SLC2A13: variants seen among roughly 807,000 people sequenced by gnomAD.
SLC2A13 encodes proton myo-inositol cotransporter.
In SLC2A13, 32 loss-of-function variants were observed where a neutral mutation model predicts 64.4. The observed-to-expected ratio is 0.50, with a 90% CI of 0.37 to 0.67. The LOEUF (loss-of-function observed/expected upper bound fraction) is 0.67. Among genes scored for constraint, SLC2A13 ranks in the 30% least tolerant of loss-of-function variants. The pLI, the probability that SLC2A13 is intolerant of heterozygous loss-of-function variation, is 0.00. For synonymous variants in SLC2A13, 338 were observed against 327.1 expected (o/e 1.03, Z -0.36); for missense variants, 743 against 829.2 (o/e 0.90, Z 1.28).
At chr12:39,959,863 G>T (rs1269003240) in intron 3 of SLC2A13, among the ~76,000 whole-genome samples, 3 of 152,000 alleles carry the variant, frequency 2.0e-5, no homozygotes, top group Non-Finnish European at 4.4e-5. Context: ...GTATGTGCAG[G>T]TTTGTTACAC....
chr12:39,798,131 A>G (rs1941643784), intron 7 of SLC2A13, among the ~76,000 whole-genome samples: 1 of 152,210 alleles, frequency 6.6e-6, no homozygotes, highest in Non-Finnish European at 1.5e-5. Flanking sequence ...TGCCCAATGG[A>G]AAACTCCACA....
intron 7 of SLC2A13, among the ~76,000 whole-genome samples, chr12:39,799,867 C>T (rs903227654): frequency 6.6e-6 from 1 of 152,178 alleles, no homozygotes; most frequent in Non-Finnish European, 1.5e-5. Flanking sequence ...GTAGAACTTT[C>T]AGATGATTGG....
intron 1 of SLC2A13, among the ~76,000 whole-genome samples, chr12:40,054,658 A>T (rs937833257): frequency 2.0e-5 from 3 of 152,248 alleles, no homozygotes; most frequent in Non-Finnish European, 4.4e-5. Flanking sequence ...GGATTCACAC[A>T]CTACCACACT....
intron 3 of SLC2A13, among the ~76,000 whole-genome samples, chr12:39,960,989 CA>C (rs1946402641): frequency 6.6e-6 from 1 of 151,378 alleles, no homozygotes; most frequent in Admixed American, 6.6e-5. Flanking sequence ...TTCAGTGATC[CA>C]CTCGTCTTGG....
chr12:39,831,015 G>A (rs1429922070), intron 6 of SLC2A13, among the ~76,000 whole-genome samples: 1 of 152,136 alleles, frequency 6.6e-6, no homozygotes, highest in Admixed American at 6.5e-5. Context: ...GCCAACTAAA[G>A]CCTACATCAT....
intron 3 of SLC2A13, among the ~76,000 whole-genome samples, chr12:39,989,635 G>A (rs925377091): frequency 1.3e-5 from 2 of 152,160 alleles, no homozygotes; most frequent in Non-Finnish European, 2.9e-5. Flanking sequence ...ACTGAAACTA[G>A]GTCTTAAAAG....
chr12:39,930,130 CAAA>C (rs11385191), intron 4 of SLC2A13, among the ~76,000 whole-genome samples: 1 of 95,898 alleles, frequency 1.0e-5, no homozygotes, highest in Non-Finnish European at 2.2e-5. Flanking sequence ...GACTTCGTCT[CAAA>C]AAAAAAAAAA....
chr12:39,992,957 T>C (rs1317410823), intron 3 of SLC2A13, among the ~76,000 whole-genome samples: 1 of 152,238 alleles, frequency 6.6e-6, no homozygotes, highest in Non-Finnish European at 1.5e-5. Flanking sequence ...AAAGCATTTT[T>C]CAATTTGCTG....
chr12:40,082,765 A>G (rs1938454973), intron 1 of SLC2A13, among the ~76,000 whole-genome samples: 1 of 152,144 alleles, frequency 6.6e-6, no homozygotes, highest in Non-Finnish European at 1.5e-5. Context: ...TCAAATATCC[A>G]TAGGGGTTAT....
At chr12:39,857,688 A>G (rs1402624660) in intron 6 of SLC2A13, among the ~76,000 whole-genome samples, 1 of 152,154 alleles carries the variant, frequency 6.6e-6, no homozygotes, top group African/African-American at 2.4e-5. Context: ...ATTCTAAGAT[A>G]ATGTCCAAAA....
At chr12:39,787,480 TAGG>T (rs537882448) in intron 7 of SLC2A13, among the ~76,000 whole-genome samples, 204 of 152,302 alleles carry the variant, frequency 1.3e-3, no homozygotes, top group African/African-American at 4.4e-3. Context: ...TCGGGATTTC[TAGG>T]AGATTATTTT....
chr12:39,835,123 A>G (rs1942970319), intron 6 of SLC2A13, among the ~76,000 whole-genome samples: 1 of 152,134 alleles, frequency 6.6e-6, no homozygotes, highest in Admixed American at 6.6e-5. Context: ...AGCATAGACT[A>G]AAATCTTTTC....
At chr12:39,798,228 A>G (rs1240588122) in intron 7 of SLC2A13, among the ~76,000 whole-genome samples, 1 of 152,190 alleles carries the variant, frequency 6.6e-6, no homozygotes, top group African/African-American at 2.4e-5. Context: ...TGGATCCTTC[A>G]GCTCCCCTTA....
intron 4 of SLC2A13, among the ~76,000 whole-genome samples, chr12:39,934,163 A>G (rs1447212703): frequency 1.3e-5 from 2 of 152,172 alleles, no homozygotes; most frequent in African/African-American, 2.4e-5. Flanking sequence ...ACAGCCTCAA[A>G]AAGAATTCTT....
chr12:39,948,275 G>A (rs546945099), intron 4 of SLC2A13, among the ~76,000 whole-genome samples: 56 of 152,200 alleles, frequency 3.7e-4, no homozygotes, highest in Non-Finnish European at 6.8e-4. Flanking sequence ...CCATTCGGTA[G>A]GGTAGAGGAT....
intron 7 of SLC2A13, among the ~76,000 whole-genome samples, chr12:39,810,034 G>C (rs1479985850): frequency 2.6e-5 from 4 of 152,150 alleles, no homozygotes; most frequent in African/African-American, 9.7e-5. Context: ...TAATGGGATG[G>C]CTGGGGCAAA....
chr12:39,847,133 G>A (rs1305175367), intron 6 of SLC2A13, among the ~76,000 whole-genome samples: 4 of 152,174 alleles, frequency 2.6e-5, no homozygotes, highest in African/African-American at 9.6e-5. Flanking sequence ...AATGAGCACA[G>A]AGAGAACTAA....
chr12:39,957,157 T>C (rs181511998), intron 3 of SLC2A13, among the ~76,000 whole-genome samples: 1 of 152,306 alleles, frequency 6.6e-6, no homozygotes, highest in African/African-American at 2.4e-5. Context: ...CCTATCATCA[T>C]CAGAGTCCTG....
intron 3 of SLC2A13, among the ~76,000 whole-genome samples, chr12:39,976,144 T>G (rs763804403): frequency 2.0e-5 from 3 of 152,218 alleles, no homozygotes; most frequent in Non-Finnish European, 4.4e-5. Context: ...GGGGTACCCA[T>G]TATGACAGCA....
Sources: allele counts gnomAD v4.1 joint callset (sites outside exome capture counted in the v4.1 genomes callset), GRCh38; gene constraint gnomAD v4.1.1; transcripts MANE v1.5; gene names NCBI Gene and HGNC (gene_info 2026-07-23, HGNC 2026-07-21).